Variants in TENM3 observed in about 807,000 individuals in gnomAD.
The protein encoded by TENM3 is teneurin-3.
In TENM3, 63 loss-of-function variants were observed where a neutral mutation model predicts 255.1. The observed-to-expected ratio is 0.25, with a 90% CI of 0.20 to 0.30. The LOEUF is 0.30. Among genes scored for constraint, TENM3 ranks in the 10% least tolerant of loss-of-function variants. The pLI is 1.00. For synonymous variants in TENM3, 1,306 were observed against 1,322.3 expected (o/e 0.99, Z 0.27); for missense variants, 2,929 against 3,461.1 (o/e 0.85, Z 3.86).
At chr4:182,126,732 C>T in the TENM3 span, among the ~76,000 whole-genome samples, 4 of 152,124 alleles carry the variant, frequency 2.6e-5, no homozygotes, top group Admixed American at 6.5e-5. Flanking sequence ...ACCCTACCCA[C>T]GAAAAGAGTT....
chr4:182,745,224 T>C (rs1214193497), intron 19 of TENM3, among the ~76,000 whole-genome samples: 1 of 152,224 alleles, frequency 6.6e-6, no homozygotes, highest in Non-Finnish European at 1.5e-5. Context: ...TGACCAAACC[T>C]GGCCCCATGA....
At chr4:182,269,837 A>G (rs995055130) in intron 1 of TENM3, among the ~76,000 whole-genome samples, 1 of 152,134 alleles carries the variant, frequency 6.6e-6, no homozygotes, top group Non-Finnish European at 1.5e-5. Context: ...GAGTCATGAG[A>G]AAGTGTACCC....
chr4:182,698,513 G>A lies in TENM3; in HGVS notation c.2221+10162G>A, dbSNP rs191974296. Among the ~76,000 whole-genome samples the A allele has an allele frequency of 3.2e-4, 49 of 152,306 alleles. 2 individuals carry two copies. In the South Asian group the frequency reaches 7.3e-3, roughly 23 times the overall value. On this transcript the variant is annotated intron_variant, in intron 12 of 27. Coordinates refer to ENST00000511685, the MANE Select transcript of TENM3 (RefSeq NM_001080477.4). ...TAGGTGAGACTCCTCACTGACTTCT[G>A]CACCTGACTTGCTGTGTAACCGTCA...
chr4:182,233,615 T>C (rs1756713719), intron 1 of TENM3, among the ~76,000 whole-genome samples: 1 of 152,222 alleles, frequency 6.6e-6, no homozygotes, highest in Non-Finnish European at 1.5e-5. Flanking sequence ...CTCTAGCATA[T>C]ATTTCATTTA....
At chr4:181,689,315 T>C in the TENM3 span, among the ~76,000 whole-genome samples, 3 of 152,242 alleles carry the variant, frequency 2.0e-5, no homozygotes, top group Non-Finnish European at 2.9e-5. Context: ...GTGCTTGTTT[T>C]AATCCAACTA....
chr4:181,450,335 G>A, the TENM3 span, among the ~76,000 whole-genome samples: 1 of 152,182 alleles, frequency 6.6e-6, no homozygotes, highest in Non-Finnish European at 1.5e-5. Flanking sequence ...ACTGGGGTAA[G>A]TAATAAGGTC....
intron 1 of TENM3, among the ~76,000 whole-genome samples, chr4:182,311,395 C>T (rs1762434799): frequency 6.6e-6 from 1 of 152,302 alleles, no homozygotes. Context: ...TTGTTAAACT[C>T]ATTGCTGTCA....
the TENM3 span, among the ~76,000 whole-genome samples, chr4:181,602,276 T>A: frequency 6.6e-6 from 1 of 152,210 alleles, no homozygotes; most frequent in African/African-American, 2.4e-5. Context: ...ATTCCATTGA[T>A]TTACATCCAT....
chr4:182,639,844 C>T (rs865836788), intron 5 of TENM3, among the ~76,000 whole-genome samples: 1 of 152,152 alleles, frequency 6.6e-6, no homozygotes, highest in Non-Finnish European at 1.5e-5. Flanking sequence ...GTAATCCCAG[C>T]ATTTTGGGAG....
chr4:181,658,763 C>T, the TENM3 span, among the ~76,000 whole-genome samples: 1 of 152,142 alleles, frequency 6.6e-6, no homozygotes, highest in African/African-American at 2.4e-5. Context: ...GCCCACCTTG[C>T]AAATGAAAAC....
At chr4:181,466,535 GA>G in the TENM3 span, among the ~76,000 whole-genome samples, 2 of 152,074 alleles carry the variant, frequency 1.3e-5, no homozygotes, top group Non-Finnish European at 2.9e-5. Flanking sequence ...TATTCCTATA[GA>G]ATCCATTATT....
chr4:182,013,846 T>C, the TENM3 span, among the ~76,000 whole-genome samples: 1 of 150,998 alleles, frequency 6.6e-6, no homozygotes, highest in African/African-American at 2.4e-5. Context: ...ATAATTATTA[T>C]GTATAGAATG....
At chr4:182,138,569 C>T in the TENM3 span, among the ~76,000 whole-genome samples, 194 of 152,250 alleles carry the variant, frequency 1.3e-3, no homozygotes, top group Non-Finnish European at 1.9e-3. Context: ...ACCAGCTGAA[C>T]CCTTGTCTTG....
In TENM3 at chr4:182,624,696, A is replaced by G. The variant is rs551355527; in HGVS notation, c.750-3955A>G. Among the ~76,000 whole-genome samples, 170 of 152,210 alleles carry G rather than the reference A, an allele frequency of 1.1e-3. 6 individuals are homozygous for G. The South Asian group carries it at 0.015, about 14-fold the overall frequency. On this transcript the variant is annotated intron_variant, in intron 4 of 27. Transcript: ENST00000511685. ...TTCACTCAGCAGTCTGGGCTTTAGAAAACCGGTAAGAGACTCAAGCTATTT... is the reference window on the plus strand; with the variant it reads ...TTCACTCAGCAGTCTGGGCTTTAGAGAACCGGTAAGAGACTCAAGCTATTT...
chr4:182,088,348 T>C, the TENM3 span, among the ~76,000 whole-genome samples: 4 of 152,056 alleles, frequency 2.6e-5, no homozygotes, highest in African/African-American at 9.7e-5. Flanking sequence ...TCAAAGGGTA[T>C]TCCTTGTCAC....
chr4:181,484,922 G>A, the TENM3 span, among the ~76,000 whole-genome samples: 3 of 152,132 alleles, frequency 2.0e-5, no homozygotes, highest in Admixed American at 2.0e-4. Flanking sequence ...AAAAGTCAAT[G>A]AGATTTCTTC....
chr4:182,118,158 A>G, the TENM3 span, among the ~76,000 whole-genome samples: 2 of 152,088 alleles, frequency 1.3e-5, no homozygotes, highest in Non-Finnish European at 2.9e-5. Context: ...ATCATTAATT[A>G]CTTATTAATT....
intron 1 of TENM3, among the ~76,000 whole-genome samples, chr4:182,311,524 T>C (rs1211151628): frequency 6.6e-6 from 1 of 152,222 alleles, no homozygotes; most frequent in Non-Finnish European, 1.5e-5. Context: ...AACTGAAATG[T>C]GTTCAAATTC....
At chr4:181,893,650 T>C in the TENM3 span, among the ~76,000 whole-genome samples, 6 of 152,292 alleles carry the variant, frequency 3.9e-5, no homozygotes, top group African/African-American at 1.4e-4. Flanking sequence ...AAACTACTAA[T>C]CCCAAATGAA....
Sources: gnomAD v4.1 joint callset for allele counts (sites outside exome capture counted in the v4.1 genomes callset) on GRCh38, gnomAD v4.1.1 for gene constraint, MANE v1.5 for transcripts, NCBI Gene and HGNC (gene_info 2026-07-23, HGNC 2026-07-21) for gene names.